Variants in MICU3 observed in about 807,000 individuals in gnomAD.
MICU3 encodes the protein calcium uptake protein 3, mitochondrial.
In MICU3, 62 loss-of-function variants were observed where a neutral mutation model predicts 66.5. The ratio of observed to expected loss-of-function variants is 0.93; its 90% CI spans 0.76 to 1.15. MICU3 has a LOEUF of 1.15. MICU3 is among the 50% of genes most tolerant of loss of function. The pLI, the probability that MICU3 is intolerant of heterozygous loss-of-function variation, is 0.00. For missense variants in MICU3, 779 were observed against 664.4 expected, an observed-to-expected ratio of 1.17 and a Z score of -1.90; for synonymous variants, 308 against 240.7, an observed-to-expected ratio of 1.28 and a Z score of -2.59.
intron 5 of MICU3, among the ~76,000 whole-genome samples, chr8:17,083,478 T>C (rs1383592693): frequency 6.6e-6 from 1 of 152,020 alleles, no homozygotes; most frequent in Non-Finnish European, 1.5e-5. Context: ...CATCTTTCTT[T>C]TAAACTATAA....
intron 3 of MICU3, among the ~76,000 whole-genome samples, chr8:17,076,558 G>T (rs893464853): frequency 6.6e-6 from 1 of 152,090 alleles, no homozygotes; most frequent in African/African-American, 2.4e-5. Context: ...GGGCTTCAAG[G>T]TGTCCATAAA....
intron 4 of MICU3, 65 bp from the exon 5 acceptor site, chr8:17,081,628 T>C (rs1158075323): frequency 2.2e-6 from 1 of 445,600 alleles, no homozygotes; most frequent in Non-Finnish European, 4.0e-6. Flanking sequence ...AAGCTCATTA[T>C]TTATAGCATT....
intron 11 of MICU3, 42 bp from the exon 12 acceptor site, chr8:17,114,051 T>G: frequency 8.2e-7 from 1 of 1,224,036 alleles, no homozygotes; most frequent in South Asian, 1.5e-5. Flanking sequence ...TTTAATAAAT[T>G]TGGCAATACT....
At chr8:17,036,599 A>C (rs1029556379) in intron 1 of MICU3, among the ~76,000 whole-genome samples, 17 of 152,112 alleles carry the variant, frequency 1.1e-4, no homozygotes, top group African/African-American at 4.1e-4. Flanking sequence ...CAGGTTCTCC[A>C]AGGCCCCACC....
At chr8:17,073,954 C>T (rs1397003294) in intron 3 of MICU3, among the ~76,000 whole-genome samples, 1 of 152,086 alleles carries the variant, frequency 6.6e-6, no homozygotes, top group African/African-American at 2.4e-5. Flanking sequence ...TTCAAAGGTC[C>T]ATGAAGTCAA....
intron 1 of MICU3, among the ~76,000 whole-genome samples, chr8:17,053,408 T>C (rs1344050533): frequency 6.6e-6 from 1 of 152,190 alleles, no homozygotes; most frequent in East Asian, 1.9e-4. Flanking sequence ...GCCTGTGCCT[T>C]GGCAATGAAC....
chr8:17,118,256 C>T (rs1585580880), intron 13 of MICU3, among the ~76,000 whole-genome samples: 1 of 152,000 alleles, frequency 6.6e-6, no homozygotes, highest in African/African-American at 2.4e-5. Flanking sequence ...ATTTTATTTA[C>T]ATTTGCCCTT....
intron 9 of MICU3, among the ~76,000 whole-genome samples, chr8:17,102,216 T>C (rs1322205137): frequency 2.0e-5 from 3 of 151,796 alleles, no homozygotes; most frequent in Non-Finnish European, 4.4e-5. Flanking sequence ...TTCCTCTAGC[T>C]TCCAGACAGA....
Position 17,070,035 on chromosome 8 carries a change from C to T in MICU3, c.567+316C>T, listed in dbSNP as rs564883798. On this transcript the variant is annotated intron_variant, in intron 3 of 14. Coordinates refer to ENST00000318063, the MANE Select transcript of MICU3 (RefSeq NM_181723.3). Reference sequence around the variant, plus strand: ...CTACCCTATACCTAGTAAATACATGCCTGCATTTAAATTCTGCAGTAGTGC... The same window carrying T: ...CTACCCTATACCTAGTAAATACATGTCTGCATTTAAATTCTGCAGTAGTGC... 4.0e-4 allele frequency among the ~76,000 whole-genome samples: 61 copies of T among 152,026 alleles called. 1 individual carries two copies. Among genetic ancestry groups the T allele is most frequent in the African/African-American group, 1.4e-3 (59 of 41,502 alleles).
intron 9 of MICU3, among the ~76,000 whole-genome samples, chr8:17,101,243 A>G (rs758431853): frequency 1.8e-4 from 28 of 151,730 alleles, no homozygotes; most frequent in Non-Finnish European, 3.4e-4. Flanking sequence ...TCCCTTTGTT[A>G]TGAAAACACC....
Position 17,100,763 on chromosome 8 carries a change from T to G in MICU3, c.984+2210T>G, listed in dbSNP as rs530171901. Among the ~76,000 whole-genome samples, 5 of 151,832 alleles carry G rather than the reference T, an allele frequency of 3.3e-5. No homozygotes were observed. In the East Asian group the frequency reaches 9.7e-4, roughly 29 times the overall value. On this transcript the variant is annotated intron_variant, in intron 9 of 14. Coordinates refer to ENST00000318063, the MANE Select transcript of MICU3 (RefSeq NM_181723.3). ...TGTCTCCAATTACTGTGAAACCATA[T>G]AATGAAAATTTGAATATCAGAGCTA...
chr8:17,096,484 A>G (rs534412925), intron 8 of MICU3, among the ~76,000 whole-genome samples: 1 of 152,000 alleles, frequency 6.6e-6, no homozygotes, highest in African/African-American at 2.4e-5. Context: ...ACAGTTACAT[A>G]TATAGGAATC....
chr8:17,038,964 A>C (rs187958956), intron 1 of MICU3, among the ~76,000 whole-genome samples: 1 of 150,136 alleles, frequency 6.7e-6, no homozygotes, highest in Admixed American at 6.6e-5. Flanking sequence ...AAAAAAAAAA[A>C]AAATAAATAA....
intron 8 of MICU3, 113 bp downstream of exon 8, chr8:17,090,697 G>A: frequency 1.3e-6 from 1 of 774,460 alleles, no homozygotes; most frequent in Non-Finnish European, 2.0e-6. Context: ...GAATGTTTTG[G>A]AATTTATTGA....
the MICU3 span, among the ~76,000 whole-genome samples, chr8:17,130,507 T>C: frequency 6.6e-6 from 1 of 151,546 alleles, no homozygotes; most frequent in South Asian, 2.1e-4. Flanking sequence ...AGCAAGACTC[T>C]GTCTCAAAAA....
chr8:17,082,764 T>C (rs2150729245), intron 5 of MICU3, among the ~76,000 whole-genome samples: 1 of 152,280 alleles, frequency 6.6e-6, no homozygotes, highest in Middle Eastern at 3.4e-3. Context: ...AAATACCTTG[T>C]ACTTCTTTGA....
Position 17,064,099 on chromosome 8 carries a change from A to G in MICU3, c.397A>G (p.Thr133Ala), listed in dbSNP as rs1818300915. 1 of 1,611,278 alleles carries G rather than the reference A, an allele frequency of 6.2e-7. No individual in the cohort carries two copies. The highest frequency in any genetic ancestry group is 1.3e-5 in the African/African-American group (1 of 74,992). Residue 133 changes from threonine to alanine, a missense_variant, in exon 2 of 15, where the codon ACA (threonine) becomes GCA (alanine). Transcript: ENST00000318063. ...TTAACTTTAGGTTGCTATTGGCAGA[A>G]CAGACATTGAAGACTTAGACCTTTA... is the stretch of plus-strand genomic sequence containing the variant. ...AAKETVAIGR[T>A]DIEDLDLYAT...
At chr8:17,089,749 G>A (rs1799848248) in intron 7 of MICU3, among the ~76,000 whole-genome samples, 1 of 151,906 alleles carries the variant, frequency 6.6e-6, no homozygotes, top group South Asian at 2.1e-4. Context: ...CATGTGATTG[G>A]TATGGAGGTT....
intron 14 of MICU3, 88 bp downstream of exon 14, chr8:17,118,863 A>C (rs968833151): frequency 1.4e-6 from 1 of 728,910 alleles, no homozygotes; most frequent in Admixed American, 2.7e-5. Context: ...AAAATAGCTG[A>C]AAGAAATAGA....
Sources: allele counts gnomAD v4.1 joint callset (sites outside exome capture counted in the v4.1 genomes callset), GRCh38; gene constraint gnomAD v4.1.1; transcripts MANE v1.5; gene names NCBI Gene and HGNC (gene_info 2026-07-23, HGNC 2026-07-21).